GPD1L: variants seen among roughly 807,000 people sequenced by gnomAD.
The protein encoded by GPD1L is glycerol-3-phosphate dehydrogenase 1 like.
Under a neutral mutation model 32.9 loss-of-function variants are expected in GPD1L, and 17 were observed. The observed-to-expected ratio is 0.52, with a 90% confidence interval of 0.35 to 0.78. The LOEUF is 0.78. GPD1L is among the 30% of genes least tolerant of loss of function. GPD1L has a pLI of 0.01. For missense variants in GPD1L, 361 were observed against 447.8 expected (o/e 0.81, Z 1.75); for synonymous variants, 187 against 165.9 (o/e 1.13, Z -0.98).
intron 2 of GPD1L, among the ~76,000 whole-genome samples, chr3:32,134,357 G>A (rs1475001775): frequency 6.6e-6 from 1 of 152,158 alleles, no homozygotes; most frequent in African/African-American, 2.4e-5. Flanking sequence ...CCACCAAGGA[G>A]AATAAGCCCC....
intron 2 of GPD1L, among the ~76,000 whole-genome samples, chr3:32,131,925 C>T (rs755189702): frequency 3.9e-5 from 6 of 152,154 alleles, no homozygotes; most frequent in African/African-American, 9.7e-5. Context: ...TTAATCCTAG[C>T]GAGTATCTCA....
At chr3:32,148,075 G>T (rs1700858758) in intron 5 of GPD1L, among the ~76,000 whole-genome samples, 1 of 152,190 alleles carries the variant, frequency 6.6e-6, no homozygotes. Context: ...TGTTGGTTGA[G>T]ATTTTTATGT....
At chr3:32,161,336 T>A (rs148059425) in intron 7 of GPD1L, among the ~76,000 whole-genome samples, 1,957 of 152,260 alleles carry the variant, frequency 0.013, 57 homozygotes, top group African/African-American at 0.044. Flanking sequence ...ACAAACAGGC[T>A]GCCAAAGGAG....
intron 4 of GPD1L, among the ~76,000 whole-genome samples, chr3:32,144,257 G>C (rs1013936283): frequency 6.6e-6 from 1 of 152,104 alleles, no homozygotes; most frequent in African/African-American, 2.4e-5. Context: ...GAAAAGATAG[G>C]GCAGCTTCAG....
rs1040877261 is a variant in GPD1L, at chr3:32,140,381, G to A, written c.505+15G>A. The A allele has an allele frequency of 5.6e-6, 9 of 1,613,924 alleles. No homozygotes were observed. In the South Asian group the frequency reaches 8.8e-5, roughly 16 times the overall value. On this transcript the variant is annotated intron_variant, in intron 4 of 7. Transcript: ENST00000282541. ...GACCACCATCGGTAAGCACTGCCTG[G>A]GAGGGACCCCAGGAGTCTGGACATT...
At chr3:32,108,411 G>A (rs1184426657) in intron 1 of GPD1L, among the ~76,000 whole-genome samples, 1 of 152,176 alleles carries the variant, frequency 6.6e-6, no homozygotes, top group African/African-American at 2.4e-5. Flanking sequence ...GGATGCTAAG[G>A]CAGCAGAATC....
intron 5 of GPD1L, among the ~76,000 whole-genome samples, chr3:32,152,752 G>A: frequency 6.6e-6 from 1 of 151,908 alleles, no homozygotes; most frequent in East Asian, 1.9e-4. Context: ...ATAGGGTGTG[G>A]CCCTTGTCTT....
intron 2 of GPD1L, among the ~76,000 whole-genome samples, chr3:32,137,816 C>G (rs747173441): frequency 1.3e-5 from 2 of 152,192 alleles, no homozygotes; most frequent in Non-Finnish European, 2.9e-5. Flanking sequence ...AGGCAGTTTT[C>G]TATATCATTT....
intron 7 of GPD1L, among the ~76,000 whole-genome samples, chr3:32,161,892 T>G (rs931271669): frequency 1.3e-4 from 20 of 152,192 alleles, no homozygotes; most frequent in Non-Finnish European, 1.5e-5. Flanking sequence ...CTCCTCCCCA[T>G]TCCTTGTACC....
At chr3:32,118,927 A>G (rs1172019397) in intron 1 of GPD1L, among the ~76,000 whole-genome samples, 3 of 152,184 alleles carry the variant, frequency 2.0e-5, no homozygotes, top group Non-Finnish European at 4.4e-5. Context: ...AGGTTCATCC[A>G]TGTTGTAACG....
In GPD1L at chr3:32,106,819, T is replaced by G; in HGVS notation, c.47+61T>G. On this transcript the variant is annotated intron_variant, in intron 1 of 7. Coordinates refer to ENST00000282541, the MANE Select transcript of GPD1L (RefSeq NM_015141.4). The surrounding 1 kb of genome is among the most constrained non-coding windows in gnomAD (Gnocchi z 4.0). Reference sequence around the variant, plus strand: ...TCCAGGAAGCGCCTCTCCCGGGCGGTGAGGGCTGCGCGCCCCATGCTGCGG... The same window carrying G: ...TCCAGGAAGCGCCTCTCCCGGGCGGGGAGGGCTGCGCGCCCCATGCTGCGG... 1 of 1,486,328 alleles carries G rather than the reference T, an allele frequency of 6.7e-7. No homozygotes were observed. 92.1% of individuals were successfully genotyped at this position (1,486,328 alleles called of 1,614,324 possible). A position where few individuals can be genotyped will look rare whatever the true frequency, so the allele number is the denominator to read the frequency against.
At chr3:32,126,604 A>C (rs1700511625) in intron 1 of GPD1L, among the ~76,000 whole-genome samples, 1 of 152,324 alleles carries the variant, frequency 6.6e-6, no homozygotes, top group East Asian at 1.9e-4. Context: ...CCTTCTACAA[A>C]GTGTCAGTAG....
intron 2 of GPD1L, among the ~76,000 whole-genome samples, chr3:32,134,283 T>C (rs1053258989): frequency 1.3e-5 from 2 of 152,212 alleles, no homozygotes; most frequent in African/African-American, 4.8e-5. Flanking sequence ...GAATGGACCA[T>C]GCACACCATA....
intron 1 of GPD1L, among the ~76,000 whole-genome samples, chr3:32,123,841 G>GATAA: frequency 9.8e-6 from 1 of 102,124 alleles, no homozygotes; most frequent in South Asian, 3.4e-4. Flanking sequence ...TAGATAGATA[G>GATAA]ACAGACAGAT....
At chr3:32,113,708 G>C (rs1559567827) in intron 1 of GPD1L, among the ~76,000 whole-genome samples, 2 of 152,156 alleles carry the variant, frequency 1.3e-5, no homozygotes, top group African/African-American at 4.8e-5. Context: ...AAACTTAGTG[G>C]CTTCAGACAG....
At chr3:32,123,084 G>T (rs1338224399) in intron 1 of GPD1L, among the ~76,000 whole-genome samples, 3 of 151,794 alleles carry the variant, frequency 2.0e-5, no homozygotes, top group African/African-American at 7.3e-5. Flanking sequence ...TTTATTTTTT[G>T]TAGAGACAGG....
intron 4 of GPD1L, among the ~76,000 whole-genome samples, chr3:32,145,587 G>C (rs554572338): frequency 4.6e-5 from 7 of 152,052 alleles, no homozygotes; most frequent in African/African-American, 9.7e-5. Context: ...TTGAGGGAGG[G>C]GCTGGTCTGC....
chr3:32,142,857 T>C (rs1700766521), intron 4 of GPD1L, among the ~76,000 whole-genome samples: 1 of 152,182 alleles, frequency 6.6e-6, no homozygotes, highest in African/African-American at 2.4e-5. Context: ...CTTCTATGCC[T>C]TCTCTGTGGG....
At chr3:32,107,705 T>C (rs984285741) in intron 1 of GPD1L, among the ~76,000 whole-genome samples, 3 of 152,202 alleles carry the variant, frequency 2.0e-5, no homozygotes, top group Admixed American at 1.3e-4. Context: ...CCTAGGTAGT[T>C]GGTCTTAGTT....
Sources: allele counts gnomAD v4.1 joint callset (sites outside exome capture counted in the v4.1 genomes callset), GRCh38; gene constraint gnomAD v4.1.1; non-coding constraint Gnocchi (gnomAD v3.1); transcripts MANE v1.5; gene names NCBI Gene and HGNC (gene_info 2026-07-23, HGNC 2026-07-21).